Variants in BRWD1 observed in about 807,000 individuals in gnomAD.
BRWD1 encodes the protein bromodomain and WD repeat-containing protein 1.
In BRWD1, 82 loss-of-function variants were observed where a neutral mutation model predicts 251.2. That is an observed-to-expected ratio of 0.33 (90% CI 0.27 to 0.39). The LOEUF is 0.39. Among genes scored for constraint, BRWD1 ranks in the 10% least tolerant of loss-of-function variants. BRWD1 has a pLI of 1.00. For missense variants in BRWD1, 2,233 were observed against 2,711.6 expected (o/e 0.82, Z 3.92); for synonymous variants, 918 against 902.8 (o/e 1.02, Z -0.30).
intron 6 of BRWD1, 105 bp from the exon 7 acceptor site, chr21:39,296,008 A>G (rs1333370269): frequency 8.0e-6 from 8 of 1,003,534 alleles, no homozygotes; most frequent in Non-Finnish European, 1.4e-6. Context: ...TCTATGTTCA[A>G]GAAGCCCTAA....
intron 22 of BRWD1, 24 bp from the exon 23 acceptor site, chr21:39,236,808 T>C (rs374866569): frequency 3.0e-5 from 48 of 1,600,722 alleles, no homozygotes; most frequent in Middle Eastern, 3.3e-4. Context: ...GTGCTTTCAG[T>C]TGAATGGAGC....
chr21:39,312,914 A>G lies in BRWD1; in HGVS notation c.139-14T>C. 1 of 1,383,066 alleles carries G rather than the reference A, an allele frequency of 7.2e-7. No individual in the cohort carries two copies. The highest frequency in any genetic ancestry group is 1.2e-5 in the South Asian group (1 of 82,934). 85.7% of individuals were successfully genotyped at this position (1,383,066 alleles called of 1,614,324 possible). On this transcript the variant is annotated splice_polypyrimidine_tract_variant and intron_variant, in intron 3 of 40. Coordinates refer to ENST00000342449, the MANE Select transcript of BRWD1 (RefSeq NM_033656.4). ...CTTCGGCAACAACTGGAAAGACACG[A>G]AACGCACACGAGTGACCACCCCTCC...
chr21:39,314,423 G>A, upstream of BRWD1: 1 of 436,406 alleles, frequency 2.3e-6, no homozygotes, highest in Non-Finnish European at 4.6e-6. Context: ...AGCATGGACA[G>A]GAAAACGGGA....
intron 15 of BRWD1, among the ~76,000 whole-genome samples, chr21:39,267,930 A>C (rs1486250085): frequency 1.3e-5 from 2 of 152,246 alleles, no homozygotes; most frequent in Non-Finnish European, 2.9e-5. Flanking sequence ...TACATGAAAT[A>C]AGATTACAAA....
In BRWD1 at chr21:39,210,931, T is replaced by C; in HGVS notation, c.3901-2A>G. On this transcript the variant is annotated splice_acceptor_variant, in intron 34 of 40. Coordinates refer to ENST00000342449, the MANE Select transcript of BRWD1 (RefSeq NM_033656.4). LOFTEE classifies it high-confidence loss of function. ...GATGCTTTTTTTCCCATCATGGACCTAAAAATACATTCACAGTCTTAAGAA... is the reference window on the plus strand; with the variant it reads ...GATGCTTTTTTTCCCATCATGGACCCAAAAATACATTCACAGTCTTAAGAA... 1.2e-6 allele frequency: 2 copies of C among 1,609,388 alleles called. No individual in the cohort carries two copies. The highest frequency in any genetic ancestry group is 1.7e-6 in the Non-Finnish European group (2 of 1,178,676).
intron 8 of BRWD1, among the ~76,000 whole-genome samples, chr21:39,281,963 T>C (rs1374745489): frequency 6.6e-6 from 1 of 151,496 alleles, no homozygotes; most frequent in East Asian, 1.9e-4. Context: ...GACATATATG[T>C]ATACATATAA....
chr21:39,228,085 C>T (rs751657881), intron 27 of BRWD1, among the ~76,000 whole-genome samples: 1 of 152,084 alleles, frequency 6.6e-6, no homozygotes, highest in Non-Finnish European at 1.5e-5. Context: ...GTCAGGAGTT[C>T]GAGTCCAGCC....
chr21:39,213,925 T>C lies in BRWD1; in HGVS notation c.3786-372A>G, dbSNP rs550397931. 1.9e-4 allele frequency among the ~76,000 whole-genome samples: 28 copies of C among 149,718 alleles called. No homozygotes were observed. In the South Asian group the frequency reaches 2.3e-3, roughly 12 times the overall value. On this transcript the variant is annotated intron_variant, in intron 32 of 40. Coordinates refer to ENST00000342449, the MANE Select transcript of BRWD1 (RefSeq NM_033656.4). ...TTAAGGTAAAAAAAATATATATATATACATATATATATAAGGGAAAAAGGA... is the reference window on the plus strand; with the variant it reads ...TTAAGGTAAAAAAAATATATATATACACATATATATATAAGGGAAAAAGGA...
At chr21:39,274,352 A>T in intron 13 of BRWD1, 22 bp downstream of exon 13, 1 of 1,564,234 alleles carries the variant, frequency 6.4e-7, no homozygotes, top group Non-Finnish European at 8.8e-7. Context: ...TGATGCACCT[A>T]CTTCTAACAA....
At chr21:39,312,795 G>A (rs2036538136) in intron 4 of BRWD1, 46 bp downstream of exon 4, 3 of 1,509,918 alleles carry the variant, frequency 2.0e-6, no homozygotes, top group East Asian at 2.4e-5. Context: ...CGGGGGCGGG[G>A]GGCGGTGCAC....
At position 39,213,582 on chromosome 21, in the gene BRWD1, A is replaced by G. The variant is rs79064864; in HGVS notation, c.3786-29T>C. 6.5e-3 allele frequency: 9,454 copies of G among 1,459,226 alleles called. 51 individuals are homozygous for G. The highest frequency in any genetic ancestry group is 8.1e-3 in the Middle Eastern group (46 of 5,714). The allele number at this position is 1,459,226 out of a possible 1,614,324, so 90.4% of individuals were successfully genotyped here. ...AAAAACAAATTTTCACTTTAATAGT[A>G]TGCAGATGTAGTGACTTGTTGGCAA... On this transcript the variant is annotated intron_variant, in intron 32 of 40. Transcript: ENST00000342449.
At position 39,218,589 on chromosome 21, in the gene BRWD1, G is replaced by A; in HGVS notation, c.3454C>T (p.Pro1152Ser). The A allele has an allele frequency of 1.2e-6, 2 of 1,612,292 alleles. No individual in the cohort carries two copies. The highest frequency in any genetic ancestry group is 2.2e-5 in the East Asian group (1 of 44,746). Residue 1152 changes from proline to serine, a missense_variant, in exon 30 of 41, where the codon CCA becomes TCA. Physicochemically the swap from Pro to Ser is moderately conservative, Grantham distance 74 (BLOSUM62 -1). Around this residue, in one of 12 missense-constraint regions of BRWD1, gnomAD observed 139 missense variants for 272.8 expected, o/e 0.51. Transcript: ENST00000342449. ...TTCTGACCCCATTCACCAGCTTGTG[G>A]TTTATAGAGCAATTTCTCTAGCTCA... ...TDELEKLLYKPQAGEWGQKSR... is the reference protein window; with the variant it reads ...TDELEKLLYKSQAGEWGQKSR...
chr21:39,205,211 C>T (rs1005648356), intron 37 of BRWD1, among the ~76,000 whole-genome samples: 4 of 152,176 alleles, frequency 2.6e-5, no homozygotes, highest in African/African-American at 9.7e-5. Context: ...CAGTGGCTCA[C>T]GCCTGTAATC....
chr21:39,312,988 C>CCGGGGGCGGGCGGA (rs2036558330), intron 3 of BRWD1, 84 bp downstream of exon 3: 1 of 783,162 alleles, frequency 1.3e-6, no homozygotes, highest in Non-Finnish European at 1.5e-6. Flanking sequence ...CGGCGGGCGG[C>CCGGGGGCGGGCGGA]GGGCGGGGGG....
chr21:39,287,159 T>A (rs900262270), intron 8 of BRWD1, among the ~76,000 whole-genome samples: 1 of 152,234 alleles, frequency 6.6e-6, no homozygotes, highest in Non-Finnish European at 1.5e-5. Context: ...AACATTATTA[T>A]ATAATCCATA....
intron 21 of BRWD1, among the ~76,000 whole-genome samples, chr21:39,244,497 G>C (rs139829708): frequency 2.0e-5 from 3 of 152,122 alleles, no homozygotes; most frequent in Admixed American, 2.0e-4. Context: ...ATTAGATAAC[G>C]TGTAAACCAT....
rs550722526 is a variant in BRWD1 at position 39,313,496 on chromosome 21, G to A, written c.-5C>T. ...GGCGGACGACGGCTCCGCCATGGCCGGGCGCGGGGCGGGAGGCGGGAGCGA... is the reference window on the plus strand; with the variant it reads ...GGCGGACGACGGCTCCGCCATGGCCAGGCGCGGGGCGGGAGGCGGGAGCGA... On this transcript the variant is annotated 5_prime_UTR_variant, in exon 1 of 41. Transcript: ENST00000342449. 9.0e-6 allele frequency: 12 copies of A among 1,335,932 alleles called. No individual in the cohort carries two copies. The African/African-American group carries it at 1.5e-4, about 17-fold the overall frequency. The allele number at this position is 1,335,932 out of a possible 1,614,324, so 82.8% of individuals were successfully genotyped here.
upstream of BRWD1, among the ~76,000 whole-genome samples, chr21:39,318,500 G>A (rs574628203): frequency 2.0e-4 from 30 of 152,296 alleles, 2 homozygotes; most frequent in Admixed American, 7.8e-4. Flanking sequence ...AGTAGATGAC[G>A]TTGGACCTCC....
chr21:39,305,122 G>C (rs1244757366), intron 4 of BRWD1, among the ~76,000 whole-genome samples: 1 of 151,988 alleles, frequency 6.6e-6, no homozygotes, highest in Non-Finnish European at 1.5e-5. Flanking sequence ...ACCATGCCTG[G>C]CTAATTTTTC....
Sources: allele counts gnomAD v4.1 joint callset (sites outside exome capture counted in the v4.1 genomes callset), GRCh38; gene constraint gnomAD v4.1.1; regional missense constraint gnomAD v4.1.1; transcripts MANE v1.5; gene names NCBI Gene and HGNC (gene_info 2026-07-23, HGNC 2026-07-21).